The following FAM107B variants were observed in gnomAD, a reference collection of about 807,000 sequenced individuals.
FAM107B encodes protein FAM107B.
FAM107B carries 21 observed loss-of-function variants against 31.5 expected under a neutral mutation model. The ratio of observed to expected loss-of-function variants is 0.67; its 90% CI spans 0.47 to 0.96. The LOEUF (loss-of-function observed/expected upper bound fraction) is 0.96, where lower values mean the gene tolerates loss of function less well. Ranked by LOEUF, FAM107B falls within the 40% of genes least tolerant of loss-of-function variation. FAM107B has a pLI of 0.00. For synonymous variants in FAM107B, 157 were observed against 141.5 expected (o/e 1.11, Z -0.78); for missense variants, 452 against 377.1 (o/e 1.20, Z -1.64).
chr10:14,739,483 C>A (rs997497002), intron 1 of FAM107B, among the ~76,000 whole-genome samples: 1 of 152,220 alleles, frequency 6.6e-6, no homozygotes, highest in African/African-American at 2.4e-5. Flanking sequence ...CTTCTGATAA[C>A]AGCACGTTGG....
chr10:14,572,410 A>C, intron 2 of FAM107B: 1 of 985,332 alleles, frequency 1.0e-6, no homozygotes. Context: ...CAATTGGAGG[A>C]GGACAAGTTC....
At chr10:14,651,505 T>C (rs2131447233) in intron 2 of FAM107B, among the ~76,000 whole-genome samples, 2 of 152,278 alleles carry the variant, frequency 1.3e-5, no homozygotes, top group East Asian at 3.9e-4. Context: ...CTTAGGAGGC[T>C]GAGGCAAAAT....
At chr10:14,724,180 G>A in intron 1 of FAM107B, 2 of 430,788 alleles carry the variant, frequency 4.6e-6, no homozygotes, top group Non-Finnish European at 8.4e-6. Context: ...CTTATATTTA[G>A]CTCTAATATT....
At chr10:14,614,456 T>A (rs971012251) in intron 2 of FAM107B, among the ~76,000 whole-genome samples, 1 of 151,914 alleles carries the variant, frequency 6.6e-6, no homozygotes, top group Non-Finnish European at 1.5e-5. Context: ...GTGGATCACC[T>A]GAGGTTAGGG....
intron 1 of FAM107B, among the ~76,000 whole-genome samples, chr10:14,697,352 T>C (rs1202303877): frequency 2.0e-5 from 3 of 152,238 alleles, no homozygotes; most frequent in African/African-American, 7.2e-5. Flanking sequence ...AGATTTTCCA[T>C]GGCCTGGAAT....
At chr10:14,750,711 C>G (rs1832810873) in intron 1 of FAM107B, among the ~76,000 whole-genome samples, 1 of 152,128 alleles carries the variant, frequency 6.6e-6, no homozygotes, top group South Asian at 2.1e-4. Context: ...CTCTGGGAGG[C>G]TGAGATGGGG....
chr10:14,525,438 A>T (rs2130794046), intron 3 of FAM107B, among the ~76,000 whole-genome samples: 1 of 152,348 alleles, frequency 6.6e-6, no homozygotes, highest in East Asian at 1.9e-4. Context: ...CCCATGTGTT[A>T]AATAAAAAGC....
At chr10:14,606,253 G>C (rs896772158) in intron 2 of FAM107B, among the ~76,000 whole-genome samples, 17 of 152,024 alleles carry the variant, frequency 1.1e-4, no homozygotes, top group Admixed American at 2.0e-4. Flanking sequence ...CTGCCTAGCA[G>C]ACCTTCACCA....
At chr10:14,671,301 A>T (rs1483334375) in intron 1 of FAM107B, among the ~76,000 whole-genome samples, 1 of 152,240 alleles carries the variant, frequency 6.6e-6, no homozygotes, top group Admixed American at 6.5e-5. Flanking sequence ...TAAGGCTTGC[A>T]GACAATTTGA....
At position 14,671,560 on chromosome 10, in the gene FAM107B, G is replaced by A. The variant is rs559406467; in HGVS notation, c.412-3869C>T. ...TTTTCTGGGGACCCCCTCCCATCTC[G>A]CTGTCTGAATGTGACACACTCAGGG... On this transcript the variant is annotated intron_variant, in intron 1 of 4. Transcript: ENST00000181796. Among the ~76,000 whole-genome samples, 3 of 152,172 alleles carry A rather than the reference G, an allele frequency of 2.0e-5. No homozygotes were observed. The South Asian group carries it at 6.2e-4, about 32-fold the overall frequency.
intron 1 of FAM107B, among the ~76,000 whole-genome samples, chr10:14,739,162 T>C (rs1856378369): frequency 6.6e-6 from 1 of 152,142 alleles, no homozygotes; most frequent in African/African-American, 2.4e-5. Flanking sequence ...AGAACAACGT[T>C]CATCATACAC....
chr10:14,599,591 C>A (rs114333659), intron 2 of FAM107B, among the ~76,000 whole-genome samples: 5 of 152,026 alleles, frequency 3.3e-5, no homozygotes, highest in African/African-American at 1.2e-4. Flanking sequence ...TCACTTGAGC[C>A]CAGGAGTTCA....
intron 1 of FAM107B, among the ~76,000 whole-genome samples, chr10:14,677,539 C>G (rs1050040216): frequency 1.3e-5 from 2 of 151,914 alleles, no homozygotes; most frequent in African/African-American, 4.8e-5. Context: ...GAGAATGGCG[C>G]GAACCCGGGA....
intron 3 of FAM107B, among the ~76,000 whole-genome samples, chr10:14,526,081 C>A (rs540387534): frequency 6.6e-6 from 1 of 152,148 alleles, no homozygotes; most frequent in Admixed American, 6.5e-5. Context: ...GGGCTCAGAC[C>A]GTCACAGAAC....
At chr10:14,562,177 C>T (rs1401646064) in intron 2 of FAM107B, among the ~76,000 whole-genome samples, 1 of 152,202 alleles carries the variant, frequency 6.6e-6, no homozygotes, top group Admixed American at 6.5e-5. Context: ...TGATATTAAC[C>T]AGTAGGGATG....
intron 1 of FAM107B, among the ~76,000 whole-genome samples, chr10:14,678,931 T>C (rs7910586): frequency 0.77 from 117,773 of 152,104 alleles, 45,864 homozygotes; most frequent in South Asian, 0.87. Context: ...GAAATTAACA[T>C]GGCAGATACA....
chr10:14,761,746 C>T (rs1833051738), intron 1 of FAM107B, among the ~76,000 whole-genome samples: 1 of 152,012 alleles, frequency 6.6e-6, no homozygotes, highest in Non-Finnish European at 1.5e-5. Flanking sequence ...CACAGATGTG[C>T]TCCACCACAC....
At chr10:14,760,039 T>C (rs758411433) in intron 1 of FAM107B, among the ~76,000 whole-genome samples, 5 of 152,210 alleles carry the variant, frequency 3.3e-5, no homozygotes, top group African/African-American at 4.8e-5. Flanking sequence ...TATTTCATCT[T>C]TGTTTATCAT....
chr10:14,580,761 A>C lies in FAM107B; in HGVS notation c.470-50246T>G, dbSNP rs373442915. Among the ~76,000 whole-genome samples, 18 of 152,324 alleles carry C rather than the reference A, an allele frequency of 1.2e-4. No homozygotes were observed. In the East Asian group the frequency reaches 3.5e-3, roughly 29 times the overall value. On this transcript the variant is annotated intron_variant, in intron 2 of 4. Coordinates refer to ENST00000181796, the MANE Select transcript of FAM107B (RefSeq NM_031453.4). ...CTAGCCTTTAATTCACTGCTCTTTA[A>C]ATCATTTTAATTCACTGAAAGAAAA...
Sources: gnomAD v4.1 joint callset for allele counts (sites outside exome capture counted in the v4.1 genomes callset) on GRCh38, gnomAD v4.1.1 for gene constraint, MANE v1.5 for transcripts, NCBI Gene and HGNC (gene_info 2026-07-23, HGNC 2026-07-21) for gene names.